PATZ1: variants seen among roughly 807,000 people sequenced by gnomAD.
PATZ1 encodes POZ/BTB and AT hook containing zinc finger 1.
A neutral mutation model predicts 46.2 loss-of-function variants in PATZ1; 9 were observed. That is an observed-to-expected ratio of 0.19 (90% confidence interval 0.12 to 0.34). The LOEUF is 0.34. Ranked by LOEUF, PATZ1 falls within the 10% of genes least tolerant of loss-of-function variation. The probability of loss-of-function intolerance (pLI) is 1.00; values close to 1 mark genes in which losing one functional copy is unlikely to be tolerated. For synonymous variants in PATZ1, 426 were observed against 378.6 expected (o/e 1.13, Z -1.45); for missense variants, 632 against 923.0 (o/e 0.68, Z 4.08).
chr22:31,330,498 C>CAA (rs35931347), intron 3 of PATZ1, among the ~76,000 whole-genome samples: 1 of 148,136 alleles, frequency 6.8e-6, no homozygotes, highest in Non-Finnish European at 1.5e-5. Context: ...GACTCCGTCT[C>CAA]AAAAAAAAAA....
intron 2 of PATZ1, 42 bp from the exon 3 acceptor site, chr22:31,335,905 C>T: frequency 6.4e-7 from 1 of 1,572,940 alleles, no homozygotes; most frequent in Non-Finnish European, 8.7e-7. Context: ...AAACCCAGCA[C>T]CCCACACCTG....
intron 3 of PATZ1, among the ~76,000 whole-genome samples, chr22:31,330,116 A>T (rs2049420903): frequency 1.3e-5 from 2 of 152,186 alleles, no homozygotes; most frequent in South Asian, 4.1e-4. Context: ...TCTGCATGAG[A>T]TTTGTTTTAA....
intron 2 of PATZ1, chr22:31,341,385 C>T: frequency 6.6e-7 from 1 of 1,525,986 alleles, no homozygotes; most frequent in Non-Finnish European, 8.8e-7. Flanking sequence ...CACTGTCAAC[C>T]CTCTCCAGGG....
chr22:31,342,964 G>A lies in PATZ1; in HGVS notation c.1272-4C>T. ...ATGTCCGTTCAAGTGATCAGGCCTGGAAAAGAGAGAACCAAGAGGGACTTT... is the reference window on the plus strand; with the variant it reads ...ATGTCCGTTCAAGTGATCAGGCCTGAAAAAGAGAGAACCAAGAGGGACTTT... On this transcript the variant is annotated splice_polypyrimidine_tract_variant and splice_region_variant and intron_variant, in intron 1 of 4. Coordinates refer to ENST00000266269, the MANE Select transcript of PATZ1 (RefSeq NM_014323.3). The A allele has an allele frequency of 6.2e-7, 1 of 1,613,882 alleles. No individual in the cohort carries two copies.
In PATZ1 at chr22:31,326,883, C is replaced by T. The variant is rs200180132; in HGVS notation, c.*8G>A. Reference sequence around the variant, plus strand: ...GATGGTTGTTTCCGTGGGGACACAGCAGCTGCCTCATTTCCCTTCAGGCCC... The same window carrying T: ...GATGGTTGTTTCCGTGGGGACACAGTAGCTGCCTCATTTCCCTTCAGGCCC... On this transcript the variant is annotated 3_prime_UTR_variant, in exon 5 of 5. Coordinates refer to ENST00000266269, the MANE Select transcript of PATZ1 (RefSeq NM_014323.3). 1 of 1,605,356 alleles carries T rather than the reference C, an allele frequency of 6.2e-7. No individual in the cohort carries two copies. The highest frequency in any genetic ancestry group is 8.5e-7 in the Non-Finnish European group (1 of 1,174,732).
chr22:31,341,836 G>A (rs1266144936), intron 2 of PATZ1, among the ~76,000 whole-genome samples: 4 of 152,210 alleles, frequency 2.6e-5, no homozygotes, highest in African/African-American at 9.7e-5. Flanking sequence ...CAGAGAGAGA[G>A]AAGGCAGCAA....
At position 31,328,172 on chromosome 22, in the gene PATZ1, C is replaced by T. The variant is rs566438815; in HGVS notation, c.1645+615G>A. Among the ~76,000 whole-genome samples the T allele has an allele frequency of 1.3e-5, 2 of 152,322 alleles. No homozygotes were observed. The highest frequency in any genetic ancestry group is 6.5e-5 in the Admixed American group (1 of 15,300). On this transcript the variant is annotated intron_variant, in intron 4 of 4. Coordinates refer to ENST00000266269, the MANE Select transcript of PATZ1 (RefSeq NM_014323.3). The surrounding 1 kb of genome is among the most constrained non-coding windows in gnomAD (Gnocchi z 4.8). ...GGCCTCATCCCCAAGGCAACGACAA[C>T]GTGACATACCACAAAACAACCTGAA...
chr22:31,336,033 C>T (rs1343562644), intron 2 of PATZ1, among the ~76,000 whole-genome samples, 170 bp from the exon 3 acceptor site: 2 of 152,172 alleles, frequency 1.3e-5, no homozygotes, highest in Non-Finnish European at 2.9e-5. Flanking sequence ...CAAGAGGCTG[C>T]TCTTATTTCC....
chr22:31,326,940 A>G lies in PATZ1; in HGVS notation c.2015T>C (p.Leu672Ser). ...CTGCTGGTCAACCTCAGGATCTACT[A>G]AAGATGACGCAAATGCCGACTGAAC... ...QIVQSAFASS[L>S]VDPEVDQQPM... The change falls in exon 5 of 5, where the codon TTA (leucine) becomes TCA (serine). Residue 672 changes from leucine to serine, a missense_variant. Around this residue, in one of 7 missense-constraint regions of PATZ1, gnomAD observed 176 missense variants for 249.4 expected, o/e 0.71. Transcript: ENST00000266269. 2.5e-6 allele frequency: 4 copies of G among 1,614,158 alleles called. No homozygotes were observed. Among genetic ancestry groups the G allele is most frequent in the East Asian group, 2.2e-5 (1 of 44,872 alleles).
At chr22:31,332,076 A>G (rs1414738910) in intron 3 of PATZ1, among the ~76,000 whole-genome samples, 1 of 152,054 alleles carries the variant, frequency 6.6e-6, no homozygotes, top group Non-Finnish European at 1.5e-5. Flanking sequence ...GCGCCATTGC[A>G]CTCCAGTCTG....
intron 2 of PATZ1, chr22:31,341,630 G>T: frequency 6.2e-7 from 1 of 1,614,100 alleles, no homozygotes; most frequent in Non-Finnish European, 8.5e-7. Flanking sequence ...ATGATGGCAG[G>T]TCGCTAGGAA....
chr22:31,331,051 G>A (rs1236000116), intron 3 of PATZ1, among the ~76,000 whole-genome samples: 2 of 152,194 alleles, frequency 1.3e-5, no homozygotes, highest in African/African-American at 4.8e-5. Context: ...GTCCTGCCCT[G>A]CCTGGTAGAG....
In PATZ1 at chr22:31,345,684, G is replaced by T; in HGVS notation, c.-82C>A. ...CCTCAGCAGCGAGAAGCGGGGCGCA[G>T]CAGACGTGTCCACACTCCCCACACG... On this transcript the variant is annotated 5_prime_UTR_variant, in exon 1 of 5. The change creates a new upstream start codon in the 5' untranslated region. Coordinates refer to ENST00000266269, the MANE Select transcript of PATZ1 (RefSeq NM_014323.3). This position sits in a 1 kb window ranked among gnomAD's most constrained non-coding sequence, Gnocchi z 7.4. 7.3e-7 allele frequency: 1 copy of T among 1,376,628 alleles called. No individual in the cohort carries two copies. Among genetic ancestry groups the T allele is most frequent in the Non-Finnish European group, 9.7e-7 (1 of 1,027,990 alleles). 85.3% of individuals were successfully genotyped at this position (1,376,628 alleles called of 1,614,324 possible).
Position 31,345,025 on chromosome 22 carries a change from G to T in PATZ1, c.578C>A (p.Ala193Glu), listed in dbSNP as rs192346045. Residue 193 changes from alanine (A) to glutamate (E), a missense_variant, in exon 1 of 5, where the codon GCA (alanine) becomes GAA (glutamate). Around this residue, in one of 7 missense-constraint regions of PATZ1, gnomAD observed 279 missense variants for 284.3 expected, o/e 0.98. Coordinates refer to ENST00000266269, the MANE Select transcript of PATZ1 (RefSeq NM_014323.3). This position sits in a 1 kb window ranked among gnomAD's most constrained non-coding sequence, Gnocchi z 7.4. ...LGFPLDMTNG[A>E]ALAANSNGIA... ...GCCATTGCTGTTGGCTGCCAAGGCT[G>T]CCCCGTTGGTCATGTCCAAAGGGAA... 1 of 1,614,104 alleles carries T rather than the reference G, an allele frequency of 6.2e-7. No homozygotes were observed. Among genetic ancestry groups the T allele is most frequent in the African/African-American group, 1.3e-5 (1 of 75,072 alleles).
chr22:31,336,780 TGGG>T (rs1569026125), intron 2 of PATZ1, among the ~76,000 whole-genome samples: 3 of 119,692 alleles, frequency 2.5e-5, no homozygotes, highest in African/African-American at 1.0e-4. Flanking sequence ...CACTCCAGCC[TGGG>T]CAACAAGTCA....
At position 31,335,777 on chromosome 22, in the gene PATZ1, C is replaced by T; in HGVS notation, c.1422G>A (p.Gly474=). ...HEDKVPCQVC[G]KYLRAAYMAD... is the part of the protein sequence containing the mutation. ...CCATGTATGCTGCCCGCAAGTACTT[C>T]CCACACACCTGGCAGGGCACCTTGT... Residue 474 remains glycine (G), a synonymous_variant, in exon 3 of 5, where the codon GGG becomes GGA. Transcript: ENST00000266269. 6.2e-7 allele frequency: 1 copy of T among 1,614,136 alleles called. No individual in the cohort carries two copies. Among genetic ancestry groups the T allele is most frequent in the Non-Finnish European group, 8.5e-7 (1 of 1,180,022 alleles).
intron 2 of PATZ1, 130 bp from the exon 3 acceptor site, chr22:31,335,993 A>C (rs1266229674): frequency 1.0e-5 from 8 of 796,898 alleles, no homozygotes; most frequent in Non-Finnish European, 1.6e-5. Context: ...ACAGCTTTAG[A>C]GTTTGGCTCA....
rs2049604268 is a variant in PATZ1, at chr22:31,343,131, GC to G, written c.1272-172del. 5.1e-6 allele frequency: 7 copies of G among 1,371,402 alleles called. No homozygotes were observed. The Admixed American group carries it at 2.1e-4, about 41-fold the overall frequency. 85.0% of individuals were successfully genotyped at this position (1,371,402 alleles called of 1,614,324 possible). On this transcript the variant is annotated intron_variant, in intron 1 of 4. Coordinates refer to ENST00000266269, the MANE Select transcript of PATZ1 (RefSeq NM_014323.3). The stretch of plus-strand genomic sequence containing the variant: ...TCACCACCCAGTTCTGGCTCCACAG[GC>G]CCAGGCCTCTCTGCCCTGGTTTTCT...
chr22:31,329,245 G>C (rs1193457260), intron 3 of PATZ1, among the ~76,000 whole-genome samples: 1 of 152,244 alleles, frequency 6.6e-6, no homozygotes, highest in Non-Finnish European at 1.5e-5. Flanking sequence ...GGGTTGCTTG[G>C]TGCCTCAGTA....
Sources: gnomAD v4.1 joint callset for allele counts (sites outside exome capture counted in the v4.1 genomes callset) on GRCh38, gnomAD v4.1.1 for gene constraint, gnomAD v4.1.1 regional missense constraint, Gnocchi (gnomAD v3.1) non-coding constraint, MANE v1.5 for transcripts, NCBI Gene and HGNC (gene_info 2026-07-23, HGNC 2026-07-21) for gene names.